GRIA3: variants seen among roughly 807,000 people sequenced by gnomAD.
The protein encoded by GRIA3 is glutamate ionotropic receptor AMPA type subunit 3.
In GRIA3, 3 loss-of-function variants were observed where a neutral mutation model predicts 63.0. That is an observed-to-expected ratio of 0.05 (90% CI 0.02 to 0.12). The LOEUF (loss-of-function observed/expected upper bound fraction) is 0.12, where lower values mean the gene tolerates loss of function less well. Ranked by LOEUF, GRIA3 falls within the 10% of genes least tolerant of loss-of-function variation. The pLI, the probability that GRIA3 is intolerant of heterozygous loss-of-function variation, is 1.00. For missense variants in GRIA3, 347 were observed against 700.9 expected (o/e 0.50, Z 5.70); for synonymous variants, 274 against 257.9 (o/e 1.06, Z -0.60).
chrX:123,256,678 A>C, intron 3 of GRIA3, among the ~76,000 whole-genome samples: 1 of 112,220 alleles, frequency 8.9e-6, no homozygotes, highest in Non-Finnish European at 1.9e-5. Flanking sequence ...AACAGAAGCC[A>C]TGCTGAGGAG....
intron 12 of GRIA3, among the ~76,000 whole-genome samples, chrX:123,435,803 T>C (rs2147406685): frequency 8.9e-6 from 1 of 111,930 alleles, no homozygotes; most frequent in African/African-American, 3.2e-5. Flanking sequence ...AAGAGAAAGA[T>C]GAATTGTTTC....
At chrX:123,460,244 C>A (rs1483166110) in intron 12 of GRIA3, among the ~76,000 whole-genome samples, 1 of 111,701 alleles carries the variant, frequency 9.0e-6, no homozygotes, top group Non-Finnish European at 1.9e-5. Flanking sequence ...GACCCCTTTG[C>A]CCTTGGCTTA....
At chrX:123,368,294 A>G (rs997406659) in intron 5 of GRIA3, among the ~76,000 whole-genome samples, 3 of 111,694 alleles carry the variant, frequency 2.7e-5, no homozygotes, top group African/African-American at 6.5e-5. Context: ...AGGTAGCTTC[A>G]CGAATGGAGT....
Position 123,258,460 on chromosome X carries a change from A to G in GRIA3, c.508+4918A>G, listed in dbSNP as rs150761455. Among the ~76,000 whole-genome samples, 32 of 111,567 alleles carry G rather than the reference A, an allele frequency of 2.9e-4. No individual in the cohort carries two copies. The East Asian group carries it at 3.4e-3, about 12-fold the overall frequency. On this transcript the variant is annotated intron_variant, in intron 3 of 15. Transcript: ENST00000620443. ...AGGTCCTTTGCCCACATGCCTTCCT[A>G]TATAGAAAGTCCTAAAACCATGCCA... is the stretch of plus-strand genomic sequence containing the variant.
intron 3 of GRIA3, among the ~76,000 whole-genome samples, chrX:123,323,337 A>T (rs749732758): frequency 3.7e-4 from 41 of 111,632 alleles, no homozygotes; most frequent in African/African-American, 1.3e-3. Flanking sequence ...TATACTGTAC[A>T]AATCTTTTCT....
chrX:123,461,776 G>A (rs2045793928), intron 12 of GRIA3, among the ~76,000 whole-genome samples: 2 of 111,118 alleles, frequency 1.8e-5, no homozygotes, highest in Middle Eastern at 4.6e-3. Context: ...ACAAAACAAC[G>A]ATGGAGCCTG....
chrX:123,416,419 CAGA>C (rs1031092224), intron 10 of GRIA3, among the ~76,000 whole-genome samples: 6 of 112,075 alleles, frequency 5.4e-5, no homozygotes, highest in African/African-American at 1.9e-4. Flanking sequence ...TTTCCTTAGT[CAGA>C]AGGATTTTTC....
At chrX:123,423,022 G>A (rs1341257640) in intron 11 of GRIA3, among the ~76,000 whole-genome samples, 2 of 112,071 alleles carry the variant, frequency 1.8e-5, no homozygotes, top group African/African-American at 6.5e-5. Flanking sequence ...TGTAAAACTT[G>A]GATAGAACCA....
At chrX:123,276,027 T>C (rs1269211740) in intron 3 of GRIA3, among the ~76,000 whole-genome samples, 1 of 111,971 alleles carries the variant, frequency 8.9e-6, no homozygotes, top group African/African-American at 3.2e-5. Context: ...CCATTATTTC[T>C]CCATATGAAA....
chrX:123,394,009 C>T (rs1402398680), intron 5 of GRIA3, among the ~76,000 whole-genome samples: 3 of 112,269 alleles, frequency 2.7e-5, no homozygotes, highest in Non-Finnish European at 5.6e-5. Flanking sequence ...GGCAGAAGCA[C>T]CAGATGGTAG....
intron 3 of GRIA3, among the ~76,000 whole-genome samples, chrX:123,300,847 A>G (rs935085817): frequency 9.0e-6 from 1 of 110,854 alleles, no homozygotes; most frequent in Non-Finnish European, 1.9e-5. Flanking sequence ...GCTGTGTCTC[A>G]GAGATTCTGA....
chrX:123,273,356 T>C (rs5909982), intron 3 of GRIA3, among the ~76,000 whole-genome samples: 43,006 of 110,321 alleles, frequency 0.39, 7,709 homozygotes, highest in African/African-American at 0.7. Flanking sequence ...GACTTATACA[T>C]AGAGTGTTTC....
intron 12 of GRIA3, among the ~76,000 whole-genome samples, chrX:123,442,847 T>A (rs182132071): frequency 3.0e-5 from 3 of 99,253 alleles, no homozygotes; most frequent in Non-Finnish European, 6.4e-5. Context: ...TTTTTTTTTT[T>A]CCCTATGCAA....
At chrX:123,287,443 G>A (rs1051962014) in intron 3 of GRIA3, among the ~76,000 whole-genome samples, 2 of 111,214 alleles carry the variant, frequency 1.8e-5, no homozygotes, top group South Asian at 3.8e-4. Context: ...AGAAATAAAG[G>A]GTATTCATAT....
At chrX:123,328,091 C>T (rs190803690) in intron 4 of GRIA3, among the ~76,000 whole-genome samples, 27 of 111,487 alleles carry the variant, frequency 2.4e-4, no homozygotes, top group African/African-American at 8.5e-4. Context: ...GAACTTTATA[C>T]TGCAGTCTGG....
intron 5 of GRIA3, among the ~76,000 whole-genome samples, chrX:123,364,183 T>C (rs1346287214): frequency 8.9e-6 from 1 of 112,322 alleles, no homozygotes; most frequent in Non-Finnish European, 1.9e-5. Flanking sequence ...TATGAAATAA[T>C]AAGATAGGCT....
intron 2 of GRIA3, among the ~76,000 whole-genome samples, chrX:123,224,145 T>C (rs1411968249): frequency 8.9e-6 from 1 of 112,042 alleles, no homozygotes; most frequent in East Asian, 2.8e-4. Flanking sequence ...CTGACTTCTG[T>C]GATGGGGTCT....
chrX:123,284,219 T>A (rs2147302086), intron 3 of GRIA3, among the ~76,000 whole-genome samples: 1 of 112,016 alleles, frequency 8.9e-6, no homozygotes, highest in African/African-American at 3.2e-5. Flanking sequence ...ACAAAAAGGA[T>A]GTCCACACAG....
intron 2 of GRIA3, among the ~76,000 whole-genome samples, chrX:123,216,756 G>A (rs1394249552): frequency 1.8e-5 from 2 of 112,038 alleles, no homozygotes; most frequent in Non-Finnish European, 3.8e-5. Flanking sequence ...AGAGTGGTAG[G>A]GGAAGGAATT....
Sources: gnomAD v4.1 joint callset for allele counts (sites outside exome capture counted in the v4.1 genomes callset) on GRCh38, gnomAD v4.1.1 for gene constraint, MANE v1.5 for transcripts, NCBI Gene and HGNC (gene_info 2026-07-23, HGNC 2026-07-21) for gene names.